DHRSX: variants seen among roughly 807,000 people sequenced by gnomAD.
DHRSX encodes the protein dehydrogenase/reductase X-linked.
Under a neutral mutation model 34.0 loss-of-function variants are expected in DHRSX, and 31 were observed. The observed-to-expected ratio is 0.91, with a 90% CI of 0.69 to 1.23. The LOEUF (loss-of-function observed/expected upper bound fraction) is 1.23. Among genes scored for constraint, DHRSX ranks in the 50% most tolerant of loss-of-function variants. DHRSX has a pLI of 0.00. For missense variants in DHRSX, 414 were observed against 428.1 expected (o/e 0.97, Z 0.29); for synonymous variants, 201 against 183.8 (o/e 1.09, Z -0.76).
chrX:2,403,939 G>C (rs753379806), intron 3 of DHRSX, among the ~76,000 whole-genome samples: 1 of 152,020 alleles, frequency 6.6e-6, no homozygotes, highest in African/African-American at 2.4e-5. Context: ...AATTAAGTTG[G>C]TGATTATAAA....
At chrX:2,498,819 T>C (rs1569351477) in intron 1 of DHRSX, among the ~76,000 whole-genome samples, 1 of 152,160 alleles carries the variant, frequency 6.6e-6, no homozygotes, top group African/African-American at 2.4e-5. Flanking sequence ...TCTGCGAGAC[T>C]CCACACAATT....
At chrX:2,469,353 T>TA (rs1256542010) in intron 1 of DHRSX, among the ~76,000 whole-genome samples, 1 of 150,320 alleles carries the variant, frequency 6.7e-6, no homozygotes. Context: ...AGACGTTCCC[T>TA]AAAAATGCAG....
chrX:2,317,628 GA>G (rs769616403), intron 3 of DHRSX, among the ~76,000 whole-genome samples: 9 of 144,924 alleles, frequency 6.2e-5, no homozygotes, highest in South Asian at 2.2e-4. Flanking sequence ...AAAGAGGAAA[GA>G]AAAAAAAAAG....
intron 3 of DHRSX, among the ~76,000 whole-genome samples, chrX:2,408,059 A>G (rs2043579446): frequency 6.6e-6 from 1 of 152,102 alleles, no homozygotes; most frequent in Non-Finnish European, 1.5e-5. Flanking sequence ...TTGGTCTAGC[A>G]CCTGGTCGAA....
At chrX:2,426,805 T>TTCCCTCTTTCCTTCCC (rs1355049775) in intron 1 of DHRSX, among the ~76,000 whole-genome samples, 10 of 147,704 alleles carry the variant, frequency 6.8e-5, no homozygotes, top group Non-Finnish European at 1.2e-4. Flanking sequence ...CCTTCCTTCT[T>TTCCCTCTTTCCTTCCC]TCCCTCTTTC....
intron 3 of DHRSX, among the ~76,000 whole-genome samples, chrX:2,293,659 G>A (rs1239777028): frequency 6.6e-6 from 1 of 152,278 alleles, no homozygotes; most frequent in Non-Finnish European, 1.5e-5. Context: ...TGGGCTGGCC[G>A]AGAAGAGAAC....
rs2041482250 is a variant in DHRSX, at chrX:2,266,883, G to A, written c.453C>T (p.Asn151=). 6.2e-7 allele frequency: 1 copy of A among 1,613,988 alleles called. No individual in the cohort carries two copies. Among genetic ancestry groups the A allele is most frequent in the Non-Finnish European group, 8.5e-7 (1 of 1,179,862 alleles). The part of the protein sequence containing the change: ...RDGFEEHFGL[N]YLGHFLLTNL... ...TGGTCAGCAGGAAGTGCCCTAGGTAGTTCAGGCCGAAATGTTCTTCGAATC... is the reference window on the plus strand; with the variant it reads ...TGGTCAGCAGGAAGTGCCCTAGGTAATTCAGGCCGAAATGTTCTTCGAATC... The change falls in exon 5 of 7, where the codon AAC becomes AAT. Residue 151 remains asparagine (N), a synonymous_variant. Coordinates refer to ENST00000334651, the MANE Select transcript of DHRSX (RefSeq NM_145177.3).
intron 4 of DHRSX, among the ~76,000 whole-genome samples, chrX:2,290,193 AAAC>A (rs2041849433): frequency 6.6e-6 from 1 of 152,196 alleles, no homozygotes; most frequent in Admixed American, 6.5e-5. Flanking sequence ...ATTTCCAATT[AAAC>A]AAGTGGGTTG....
intron 3 of DHRSX, among the ~76,000 whole-genome samples, chrX:2,319,363 T>C (rs2042279540): frequency 6.6e-6 from 1 of 151,550 alleles, no homozygotes; most frequent in African/African-American, 2.4e-5. Flanking sequence ...GCCAATATGG[T>C]GAAACCCCGT....
intron 3 of DHRSX, among the ~76,000 whole-genome samples, chrX:2,337,528 C>A (rs34539857): frequency 0.28 from 43,157 of 151,758 alleles, 7,722 homozygotes; most frequent in African/African-American, 0.5. Context: ...TTCAAGGATG[C>A]GAATTTATTT....
At chrX:2,254,378 TG>T (rs1044659219) in intron 5 of DHRSX, among the ~76,000 whole-genome samples, 30 of 152,324 alleles carry the variant, frequency 2.0e-4, no homozygotes, top group African/African-American at 7.0e-4. Flanking sequence ...CCTAGTTGAC[TG>T]GAGCTATTTT....
intron 3 of DHRSX, among the ~76,000 whole-genome samples, chrX:2,348,214 G>A (rs1164257543): frequency 6.6e-6 from 1 of 152,166 alleles, no homozygotes; most frequent in African/African-American, 2.4e-5. Flanking sequence ...GCAGGAAGAG[G>A]AGACCCCAGA....
chrX:2,241,238 C>T (rs2016134694), intron 6 of DHRSX, among the ~76,000 whole-genome samples: 1 of 152,116 alleles, frequency 6.6e-6, no homozygotes, highest in East Asian at 1.9e-4. Context: ...TCTTGCAGTG[C>T]TTAAGAAGTT....
In DHRSX at chrX:2,331,436, G is replaced by GTTTTTTTTTTT. The variant is rs1159991841; in HGVS notation, c.287-39844_287-39834dup. The stretch of plus-strand genomic sequence containing the variant: ...GGAATCCTTTCAGGAAGGTTTTTTG[G>GTTTTTTTTTTT]TTTTTTTTTTTTTTTTTTTTTTTTT... On this transcript the variant is annotated intron_variant, in intron 3 of 6. Transcript: ENST00000334651. Among the ~76,000 whole-genome samples, 513 of 94,638 alleles carry GTTTTTTTTTTT rather than the reference G, an allele frequency of 5.4e-3. 60 individuals carry two copies. The highest frequency in any genetic ancestry group is 0.016 in the Middle Eastern group (2 of 122). The allele number at this position is 94,638 out of a possible 152,430, so 62.1% of individuals were successfully genotyped here. A position where few individuals can be genotyped will look rare whatever the true frequency, so the allele number is the denominator to read the frequency against.
At chrX:2,475,071 G>A (rs2044656095) in intron 1 of DHRSX, among the ~76,000 whole-genome samples, 1 of 151,448 alleles carries the variant, frequency 6.6e-6, no homozygotes, top group East Asian at 2.0e-4. Context: ...ATGTGGGTGA[G>A]GGACTGCTAC....
chrX:2,314,905 C>G (rs2042224059), intron 3 of DHRSX, among the ~76,000 whole-genome samples: 1 of 152,108 alleles, frequency 6.6e-6, no homozygotes, highest in Non-Finnish European at 1.5e-5. Flanking sequence ...CGCCTGCAAT[C>G]TCAGCACCTT....
At chrX:2,384,481 A>C (rs2043247354) in intron 3 of DHRSX, among the ~76,000 whole-genome samples, 1 of 152,142 alleles carries the variant, frequency 6.6e-6, no homozygotes, top group Non-Finnish European at 1.5e-5. Flanking sequence ...TCAAGAAAGA[A>C]GCCACACAGG....
chrX:2,304,775 A>G (rs73628288), intron 3 of DHRSX, among the ~76,000 whole-genome samples: 12,258 of 152,094 alleles, frequency 0.081, 1,640 homozygotes, highest in African/African-American at 0.28. Context: ...TTTTCTTTAT[A>G]AATTACCCAG....
intron 1 of DHRSX, chrX:2,487,331 C>T (rs193102780): frequency 2.6e-5 from 4 of 152,290 alleles, no homozygotes; most frequent in African/African-American, 9.6e-5. Flanking sequence ...AGGGCTGAGA[C>T]ACCGAAGACA....
Sources: allele counts gnomAD v4.1 joint callset (sites outside exome capture counted in the v4.1 genomes callset), GRCh38; gene constraint gnomAD v4.1.1; transcripts MANE v1.5; gene names NCBI Gene and HGNC (gene_info 2026-07-23, HGNC 2026-07-21).